DNAJC13: variants seen among roughly 807,000 people sequenced by gnomAD.
DNAJC13 encodes DnaJ heat shock protein family (Hsp40) member C13.
DNAJC13 carries 75 observed loss-of-function variants against 290.5 expected under a neutral mutation model. The observed-to-expected ratio is 0.26, with a 90% CI of 0.21 to 0.31. The LOEUF (loss-of-function observed/expected upper bound fraction) is 0.31, where lower values mean the gene tolerates loss of function less well. Among genes scored for constraint, DNAJC13 ranks in the 10% least tolerant of loss-of-function variants. DNAJC13 has a pLI of 1.00. For synonymous variants in DNAJC13, 862 were observed against 892.0 expected, an observed-to-expected ratio of 0.97 and a Z score of 0.60; for missense variants, 2,260 against 2,674.5, an observed-to-expected ratio of 0.85 and a Z score of 3.42.
chr3:132,523,808 G>T, intron 51 of DNAJC13, 95 bp downstream of exon 51: 2 of 1,256,424 alleles, frequency 1.6e-6, no homozygotes, highest in South Asian at 1.6e-5. Context: ...CCATGAATTA[G>T]GAATTGGCCA....
Position 132,463,779 on chromosome 3 carries a change from G to A in DNAJC13, c.1854G>A (p.Met618Ile), listed in dbSNP as rs1243587214. The A allele has an allele frequency of 5.0e-6, 8 of 1,613,222 alleles. No individual in the cohort carries two copies. Among genetic ancestry groups the A allele is most frequent in the Non-Finnish European group, 6.8e-6 (8 of 1,179,416 alleles). The change falls in exon 17 of 56, where the codon ATG (methionine) becomes ATA (isoleucine). Residue 618 changes from methionine (M) to isoleucine (I), a missense_variant. This residue lies in a region of DNAJC13 where 762 missense variants were observed against 964.1 expected (regional missense o/e 0.79). Transcript: ENST00000260818. Reference protein sequence around the residue: ...GALPRHLHTAMFTISSDQRML... With the variant: ...GALPRHLHTAIFTISSDQRML... ...TACCTCGACACTTGCATACTGCGAT[G>A]TTTACAATAAGCTCAGATCAAAGGA...
At chr3:132,515,357 GA>G (rs1351158965) in intron 46 of DNAJC13, among the ~76,000 whole-genome samples, 4 of 152,076 alleles carry the variant, frequency 2.6e-5, no homozygotes. Context: ...TTAAGAGAAG[GA>G]ACCGTGTCGT....
chr3:132,466,496 C>G, intron 19 of DNAJC13, 102 bp downstream of exon 19: 1 of 909,078 alleles, frequency 1.1e-6, no homozygotes. Context: ...ACAAAGAATT[C>G]ATTGCATTGA....
Position 132,456,585 on chromosome 3 carries a change from G to GCTAA in DNAJC13, c.1179+6_1179+9dup, listed in dbSNP as rs1933605625. 2.5e-6 allele frequency: 4 copies of GCTAA among 1,613,696 alleles called. No homozygotes were observed. The highest frequency in any genetic ancestry group is 3.4e-6 in the Non-Finnish European group (4 of 1,179,802). Reference sequence around the variant, plus strand: ...CTACATGCAGTAACACAAGATGTAAGCTAAGTTTTATCATAATTGTTCATT... The same window carrying GCTAA: ...CTACATGCAGTAACACAAGATGTAAGCTAACTAAGTTTTATCATAATTGTTCATT... On this transcript the variant is annotated splice_donor_region_variant and intron_variant, in intron 11 of 55. Coordinates refer to ENST00000260818, the MANE Select transcript of DNAJC13 (RefSeq NM_015268.4).
intron 2 of DNAJC13, among the ~76,000 whole-genome samples, chr3:132,442,680 G>A (rs1576462524): frequency 6.6e-6 from 1 of 152,104 alleles, no homozygotes; most frequent in African/African-American, 2.4e-5. Flanking sequence ...TATACCTAAT[G>A]GTAACATAAG....
At chr3:132,485,703 T>C (rs562376518) in intron 29 of DNAJC13, among the ~76,000 whole-genome samples, 5 of 152,374 alleles carry the variant, frequency 3.3e-5, no homozygotes, top group African/African-American at 1.2e-4. Flanking sequence ...TCTTACTAAC[T>C]TCTGCCGTAG....
At chr3:132,507,161 T>G in intron 42 of DNAJC13, 76 bp from the exon 43 acceptor site, 2 of 954,334 alleles carry the variant, frequency 2.1e-6, no homozygotes, top group Admixed American at 4.2e-5. Flanking sequence ...TCTCTCAAGT[T>G]ATTTATCTGT....
At chr3:132,474,354 C>T (rs1313607340) in intron 21 of DNAJC13, 1 of 152,204 alleles carries the variant, frequency 6.6e-6, no homozygotes, top group Non-Finnish European at 1.5e-5. Flanking sequence ...GACTCTCCAG[C>T]CTCAGCCTCA....
At chr3:132,478,730 G>A (rs1934556869) in intron 24 of DNAJC13, among the ~76,000 whole-genome samples, 2 of 152,144 alleles carry the variant, frequency 1.3e-5, no homozygotes, top group Non-Finnish European at 2.9e-5. Flanking sequence ...CAGCCTGGAT[G>A]ACAGAGCAAG....
At chr3:132,420,221 A>G (rs900130159) in intron 1 of DNAJC13, among the ~76,000 whole-genome samples, 3 of 152,244 alleles carry the variant, frequency 2.0e-5, no homozygotes. Context: ...ACTGGAAAGA[A>G]CCCTGGGTGA....
chr3:132,464,113 C>G (rs1016682001), intron 17 of DNAJC13, among the ~76,000 whole-genome samples: 1 of 152,168 alleles, frequency 6.6e-6, no homozygotes, highest in Non-Finnish European at 1.5e-5. Flanking sequence ...GAACTAGAAC[C>G]ACATGCTCAG....
At chr3:132,436,883 CTT>C (rs68049166) in intron 2 of DNAJC13, among the ~76,000 whole-genome samples, 4 of 141,938 alleles carry the variant, frequency 2.8e-5, no homozygotes, top group Non-Finnish European at 4.6e-5. Context: ...TTTTATTTTA[CTT>C]TTTTTTTTTT....
intron 16 of DNAJC13, among the ~76,000 whole-genome samples, chr3:132,463,282 T>G (rs749438600): frequency 3.3e-5 from 5 of 152,226 alleles, no homozygotes; most frequent in Admixed American, 2.6e-4. Flanking sequence ...TTATTTGCAT[T>G]TTTAGTGTGC....
intron 55 of DNAJC13, 139 bp from the exon 56 acceptor site, chr3:132,538,037 T>G: frequency 6.4e-6 from 4 of 623,872 alleles, no homozygotes; most frequent in Non-Finnish European, 2.8e-6. Flanking sequence ...TATTAAGGTA[T>G]AGATGTAATT....
In DNAJC13 at chr3:132,525,732, G is replaced by T; in HGVS notation, c.6183G>T (p.Arg2061Ser). 6.2e-7 allele frequency: 1 copy of T among 1,614,152 alleles called. No homozygotes were observed. Among genetic ancestry groups the T allele is most frequent in the Non-Finnish European group, 8.5e-7 (1 of 1,180,010 alleles). Residue 2061 changes from arginine to serine, a missense_variant, in exon 52 of 56, where the codon AGG becomes AGT. Arg to Ser is a moderately radical substitution (Grantham distance 110). Transcript: ENST00000260818. Reference protein sequence around the residue: ...LPKVIQAMNHRNNAIPKSAIR... With the variant: ...LPKVIQAMNHSNNAIPKSAIR... ...AAGTTATCCAGGCAATGAATCATAG[G>T]AACAATGCCATTCCTAAGAGTGCCA...
intron 45 of DNAJC13, among the ~76,000 whole-genome samples, 163 bp downstream of exon 45, chr3:132,513,262 A>G (rs1428512172): frequency 6.6e-6 from 1 of 152,138 alleles, no homozygotes; most frequent in Non-Finnish European, 1.5e-5. Flanking sequence ...TAACATGCTC[A>G]ATTTGAAGAG....
rs192875047 is a variant in DNAJC13, at chr3:132,496,145, T to C, written c.4021-383T>C. Among the ~76,000 whole-genome samples, 70 of 152,298 alleles carry C rather than the reference T, an allele frequency of 4.6e-4. 1 individual carries two copies. Among genetic ancestry groups the C allele is most frequent in the African/African-American group, 1.6e-3 (67 of 41,568 alleles). ...ATGTAAAAAATGAGGATGATAATGG[T>C]ACACACTTTACATGGCTGTTTGAGG... On this transcript the variant is annotated intron_variant, in intron 35 of 55. Coordinates refer to ENST00000260818, the MANE Select transcript of DNAJC13 (RefSeq NM_015268.4).
At chr3:132,478,741 A>C (rs1934557378) in intron 24 of DNAJC13, among the ~76,000 whole-genome samples, 1 of 152,164 alleles carries the variant, frequency 6.6e-6, no homozygotes, top group Non-Finnish European at 1.5e-5. Context: ...ACAGAGCAAG[A>C]CCTTGTCTCA....
Position 132,526,122 on chromosome 3 carries a change from T to A in DNAJC13, c.6241-19T>A, listed in dbSNP as rs775080862. 266 of 1,613,358 alleles carry A rather than the reference T, an allele frequency of 1.6e-4. No homozygotes were observed. The highest frequency in any genetic ancestry group is 2.2e-4 in the Non-Finnish European group (260 of 1,179,660). ...AAATATTGCCAGTCTACAAGTAACC[T>A]TCTCTTTTGGGCACTTAGCTGTGTG... On this transcript the variant is annotated intron_variant, in intron 52 of 55. Transcript: ENST00000260818.
Sources: gnomAD v4.1 joint callset for allele counts (sites outside exome capture counted in the v4.1 genomes callset) on GRCh38, gnomAD v4.1.1 for gene constraint, gnomAD v4.1.1 regional missense constraint, MANE v1.5 for transcripts, NCBI Gene and HGNC (gene_info 2026-07-23, HGNC 2026-07-21) for gene names.